COL17A1: variants seen among roughly 807,000 people sequenced by gnomAD.
The protein encoded by COL17A1 is collagen type XVII alpha 1 chain.
A neutral mutation model predicts 218.4 loss-of-function variants in COL17A1; 181 were observed. The ratio of observed to expected loss-of-function variants is 0.83; its 90% CI spans 0.73 to 0.94. COL17A1 has a LOEUF of 0.94. Among genes scored for constraint, COL17A1 ranks in the 40% least tolerant of loss-of-function variants. The probability of loss-of-function intolerance (pLI) is 0.00; values close to 1 mark genes in which losing one functional copy is unlikely to be tolerated. For missense variants in COL17A1, 1,924 were observed against 1,945.9 expected (o/e 0.99, Z 0.21); for synonymous variants, 721 against 731.0 (o/e 0.99, Z 0.22).
intron 43 of COL17A1, 136 bp from the exon 44 acceptor site, chr10:104,039,257 T>C (rs1164132726): frequency 1.5e-5 from 15 of 1,024,098 alleles, no homozygotes; most frequent in Non-Finnish European, 2.3e-5. Context: ...ATACCACAGC[T>C]CCCTTGTACA....
chr10:104,057,084 C>T lies in COL17A1; in HGVS notation c.1356G>A (p.Ala452=), dbSNP rs745936656. The T allele has an allele frequency of 5.0e-6, 8 of 1,611,434 alleles. No individual in the cohort carries two copies. The highest frequency in any genetic ancestry group is 2.2e-5 in the East Asian group (1 of 44,864). Residue 452 remains alanine, a synonymous_variant, in exon 17 of 56, where the codon GCG becomes GCA. Transcript: ENST00000648076. The part of the protein sequence containing the change: ...GGAGGGPWGP[A]PAWCPCGSCC... The stretch of plus-strand genomic sequence containing the variant: ...AGGAGCCGCAGGGGCACCAGGCTGG[C>T]GCTGGTCCCCAAGGGCCGCCGCCAG...
Position 104,080,699 on chromosome 10 carries a change from A to T in COL17A1, c.-11-15T>A. 1 of 1,612,754 alleles carries T rather than the reference A, an allele frequency of 6.2e-7. No individual in the cohort carries two copies. The highest frequency in any genetic ancestry group is 8.5e-7 in the Non-Finnish European group (1 of 1,179,812). On this transcript the variant is annotated splice_polypyrimidine_tract_variant and intron_variant, in intron 1 of 55. Coordinates refer to ENST00000648076, the MANE Select transcript of COL17A1 (RefSeq NM_000494.4). ...ACCATAGCCACCTGCAGGAAAAATC[A>T]GAAACCATGATAGTCATACTTATCA...
chr10:104,045,614 C>T lies in COL17A1; in HGVS notation c.2398+144G>A, dbSNP rs1452509129. On this transcript the variant is annotated intron_variant, in intron 33 of 55. Coordinates refer to ENST00000648076, the MANE Select transcript of COL17A1 (RefSeq NM_000494.4). ...GCTTGGTTCACAAATCCCTGGGCTC[C>T]CAGCCTCATAGCCCTCTGCTAGAAC... 7.7e-6 allele frequency: 6 copies of T among 774,578 alleles called. No individual in the cohort carries two copies. In the East Asian group the frequency reaches 1.3e-4, roughly 17 times the overall value. 48.0% of individuals were successfully genotyped at this position (774,578 alleles called of 1,614,324 possible).
intron 36 of COL17A1, 122 bp downstream of exon 36, chr10:104,042,298 T>C: frequency 9.6e-7 from 1 of 1,041,620 alleles, no homozygotes; most frequent in East Asian, 2.5e-5. Flanking sequence ...GCCCTGGCCC[T>C]GTCCTCCTTT....
rs1361036799 is a variant in COL17A1 at position 104,048,110 on chromosome 10, A to T, written c.2228-6T>A. 3 of 1,614,050 alleles carry T rather than the reference A, an allele frequency of 1.9e-6. No individual in the cohort carries two copies. In the African/African-American group the frequency reaches 4.0e-5, roughly 22 times the overall value. On this transcript the variant is annotated splice_region_variant and splice_polypyrimidine_tract_variant and intron_variant, in intron 29 of 55. Coordinates refer to ENST00000648076, the MANE Select transcript of COL17A1 (RefSeq NM_000494.4). Reference sequence around the variant, plus strand: ...TCCGTCTGGGCCAGCAGGACCTGGTAAAGTAGAAGCAAGGTCTCTCAGTTG... The same window carrying T: ...TCCGTCTGGGCCAGCAGGACCTGGTTAAGTAGAAGCAAGGTCTCTCAGTTG...
chr10:104,068,291 C>CTGTT (rs3068942), intron 9 of COL17A1, among the ~76,000 whole-genome samples: 144,644 of 152,162 alleles, frequency 0.95, 69,135 homozygotes, highest in East Asian at 1. Context: ...CAAATCATAA[C>CTGTT]TGGATATCAT....
Position 104,038,462 on chromosome 10 carries a change from CCCGGAGGCCCAGGGGGCCCAGGGGG to C in COL17A1, c.2989_3013del (p.Pro997AlafsTer61). ...CTCCTGGCCAGAGCTGCTGATAGAG[CCCGGAGGCCCAGGGGGCCCAGGGGG>C]CCCTGGCGGGCCTGACACGTACATG... On this transcript the variant is annotated frameshift_variant, in exon 45 of 56. Transcript: ENST00000648076. LOFTEE classifies it high-confidence loss of function. 6.2e-7 allele frequency: 1 copy of C among 1,613,876 alleles called. No individual in the cohort carries two copies. Among genetic ancestry groups the C allele is most frequent in the Admixed American group, 1.7e-5 (1 of 60,002 alleles).
chr10:104,074,378 G>A, intron 5 of COL17A1, 147 bp from the exon 6 acceptor site: 5 of 1,180,980 alleles, frequency 4.2e-6, no homozygotes, highest in Admixed American at 2.0e-5. Context: ...CAGCATGCAT[G>A]TCAAAGGAGC....
rs772686862 is a variant in COL17A1 at position 104,050,899 on chromosome 10, G to A, written c.2041C>T (p.Pro681Ser). The change falls in exon 26 of 56, where the codon CCT becomes TCT. Residue 681 changes from proline to serine, a missense_variant and splice_region_variant. Physicochemically the swap from Pro to Ser is moderately conservative, Grantham distance 74 (BLOSUM62 -1). Coordinates refer to ENST00000648076, the MANE Select transcript of COL17A1 (RefSeq NM_000494.4). ...CCTCGGAGCCCTTGGAGACCTACAG[G>A]ACCTGCCCGGCAGAAGAAACCATGC... Reference protein sequence around the residue: ...GSPGPQGPPGPVGLQGLRGEV... With the variant: ...GSPGPQGPPGSVGLQGLRGEV... 2 of 1,614,124 alleles carry A rather than the reference G, an allele frequency of 1.2e-6. No individual in the cohort carries two copies. Among genetic ancestry groups the A allele is most frequent in the Admixed American group, 3.3e-5 (2 of 60,020 alleles).
At chr10:104,038,773 A>G (rs2086328396) in intron 44 of COL17A1, among the ~76,000 whole-genome samples, 1 of 152,126 alleles carries the variant, frequency 6.6e-6, no homozygotes, top group Non-Finnish European at 1.5e-5. Context: ...AACCTGCTGA[A>G]GGACCCCCAA....
rs1554849247 is a variant in COL17A1, at chr10:104,055,444, TCACACA to T, written c.1688-49_1688-44del. The T allele has an allele frequency of 3.0e-3, 3,363 of 1,131,178 alleles. 44 individuals carry two copies. The African/African-American group carries it at 0.04, about 13-fold the overall frequency. 70.1% of individuals were successfully genotyped at this position (1,131,178 alleles called of 1,614,324 possible). A position where few individuals can be genotyped will look rare whatever the true frequency, so the allele number is the denominator to read the frequency against. ...TCCTGAGTCAGCTTCACATCTCCTG[TCACACA>T]CACACACACACACACACACACACAC... On this transcript the variant is annotated intron_variant, in intron 18 of 55. Transcript: ENST00000648076.
chr10:104,033,286 A>G lies in COL17A1; in HGVS notation c.4246T>C (p.Phe1416Leu), dbSNP rs111824150. 3 of 1,599,498 alleles carry G rather than the reference A, an allele frequency of 1.9e-6. No homozygotes were observed. The highest frequency in any genetic ancestry group is 2.6e-6 in the Non-Finnish European group (3 of 1,173,126). Reference protein sequence around the residue: ...PQGPPGISKVFSAYSNVTADL... With the variant: ...PQGPPGISKVLSAYSNVTADL... ...GCAGTCACGTTGCTGTAGGCAGAGA[A>G]GACCTTGCTGATGCCGGGTGGCCCC... The change falls in exon 53 of 56, where the codon TTC becomes CTC. Residue 1416 changes from phenylalanine (F) to leucine (L), a missense_variant. Coordinates refer to ENST00000648076, the MANE Select transcript of COL17A1 (RefSeq NM_000494.4).
rs374261839 is a variant in COL17A1, at chr10:104,048,202, A to T, written c.2228-98T>A. 19 of 1,340,480 alleles carry T rather than the reference A, an allele frequency of 1.4e-5. No homozygotes were observed. The African/African-American group carries it at 2.6e-4, about 18-fold the overall frequency. The allele number at this position is 1,340,480 out of a possible 1,614,324, so 83.0% of individuals were successfully genotyped here. ...GTGGCCTTGAAGCACATTGTGTCCC[A>T]GGAGCCCACGCAGCCATCAGCCACG... On this transcript the variant is annotated intron_variant, in intron 29 of 55. Coordinates refer to ENST00000648076, the MANE Select transcript of COL17A1 (RefSeq NM_000494.4).
chr10:104,042,381 T>G (rs1243495385), intron 36 of COL17A1, 39 bp downstream of exon 36: 2 of 1,612,112 alleles, frequency 1.2e-6, no homozygotes, highest in Non-Finnish European at 1.7e-6. Context: ...TCCTCCCGAC[T>G]GGGCCCATCG....
At chr10:104,064,328 CCTCTCCAGG>C in intron 10 of COL17A1, 101 bp downstream of exon 10, 1 of 1,557,214 alleles carries the variant, frequency 6.4e-7, no homozygotes, top group Non-Finnish European at 8.7e-7. Context: ...CCACAGAAAG[CCTCTCCAGG>C]AGGCCCTGAG....
Position 104,037,773 on chromosome 10 carries a change from C to T in COL17A1, c.3071G>A (p.Ser1024Asn). Residue 1024 changes from serine to asparagine, a missense_variant and splice_region_variant, in exon 46 of 56, where the codon AGT (serine) becomes AAT (asparagine). Physicochemically the swap from Ser to Asn is conservative, Grantham distance 46. Coordinates refer to ENST00000648076, the MANE Select transcript of COL17A1 (RefSeq NM_000494.4). ...IQQYISEYMQSDSIRSYLSGV... is the reference protein window; with the variant it reads ...IQQYISEYMQNDSIRSYLSGV... ...GGATAGGTAAGATCTAATACTGTCA[C>T]CTGCCGACCAAGGAACAAAGCAAAG... The T allele has an allele frequency of 6.2e-7, 1 of 1,613,802 alleles. No individual in the cohort carries two copies. Among genetic ancestry groups the T allele is most frequent in the Non-Finnish European group, 8.5e-7 (1 of 1,179,928 alleles).
chr10:104,060,231 C>T lies in COL17A1; in HGVS notation c.1029G>A (p.Lys343=), dbSNP rs2086570289. The T allele has an allele frequency of 1.9e-6, 3 of 1,614,034 alleles. No individual in the cohort carries two copies. Among genetic ancestry groups the T allele is most frequent in the Non-Finnish European group, 2.5e-6 (3 of 1,180,028 alleles). ...TGTTGTCTTTCTCTAGGATCAGGAA[C>T]TTGCAGTCCTTGTGCAAAAGGTCAT... ...QSDDLLHKDC[K]FLILEKDNTP... is the part of the protein sequence containing the mutation. Residue 343 remains lysine, a synonymous_variant, in exon 14 of 56, where the codon AAG becomes AAA. Transcript: ENST00000648076.
chr10:104,083,597 TC>T (rs763287902), intron 1 of COL17A1, among the ~76,000 whole-genome samples: 28 of 152,194 alleles, frequency 1.8e-4, no homozygotes, highest in Non-Finnish European at 3.8e-4. Flanking sequence ...TTTTTTCCTT[TC>T]CCCTTTATTT....
intron 2 of COL17A1, 142 bp from the exon 3 acceptor site, chr10:104,078,728 G>T: frequency 3.5e-6 from 4 of 1,146,216 alleles, no homozygotes; most frequent in Non-Finnish European, 3.8e-6. Flanking sequence ...TTTAAGGTGT[G>T]TGATCTGACC....
Sources: allele counts gnomAD v4.1 joint callset (sites outside exome capture counted in the v4.1 genomes callset), GRCh38; gene constraint gnomAD v4.1.1; transcripts MANE v1.5; gene names NCBI Gene and HGNC (gene_info 2026-07-23, HGNC 2026-07-21).